ATXN1: variants seen among roughly 807,000 people sequenced by gnomAD.
The protein encoded by ATXN1 is ataxin-1.
A neutral mutation model predicts 56.4 loss-of-function variants in ATXN1; 8 were observed. That is an observed-to-expected ratio of 0.14 (90% CI 0.08 to 0.26). The LOEUF is 0.26. Ranked by LOEUF, ATXN1 falls within the 10% of genes least tolerant of loss-of-function variation. The pLI is 1.00. For synonymous variants in ATXN1, 514 were observed against 494.6 expected (o/e 1.04, Z -0.52); for missense variants, 987 against 1,106.5 (o/e 0.89, Z 1.53).
chr6:16,645,282 C>T (rs1409518455), intron 3 of ATXN1, among the ~76,000 whole-genome samples: 1 of 152,204 alleles, frequency 6.6e-6, no homozygotes. Flanking sequence ...GGATGCTGGG[C>T]TCCTACAAGT....
intron 6 of ATXN1, among the ~76,000 whole-genome samples, chr6:16,334,842 G>C (rs80165549): frequency 1.3e-5 from 2 of 152,206 alleles, no homozygotes; most frequent in East Asian, 1.9e-4. Flanking sequence ...CATGTCTAGG[G>C]GGAGTGATCA....
chr6:16,308,476 G>A (rs1002016176), intron 7 of ATXN1, among the ~76,000 whole-genome samples: 1 of 152,178 alleles, frequency 6.6e-6, no homozygotes, highest in South Asian at 2.1e-4. Flanking sequence ...GAGCAGTTGG[G>A]AAACCAAGTG....
intron 6 of ATXN1, among the ~76,000 whole-genome samples, chr6:16,385,978 G>A (rs1329720760): frequency 6.6e-6 from 1 of 152,136 alleles, no homozygotes; most frequent in Admixed American, 6.5e-5. Flanking sequence ...CTGGGTTAGG[G>A]TCTCTGTCCT....
chr6:16,309,731 T>C (rs1424524060), intron 7 of ATXN1, among the ~76,000 whole-genome samples: 1 of 151,928 alleles, frequency 6.6e-6, no homozygotes, highest in Non-Finnish European at 1.5e-5. Flanking sequence ...GGAAAAAATA[T>C]CGTTAAAAGC....
intron 2 of ATXN1, among the ~76,000 whole-genome samples, chr6:16,659,221 A>C (rs1435246922): frequency 3.3e-5 from 5 of 152,148 alleles, no homozygotes; most frequent in Non-Finnish European, 7.4e-5. Context: ...TATTTTTTGG[A>C]TGCTATCAGT....
chr6:16,338,275 C>T (rs1032493885), intron 6 of ATXN1, among the ~76,000 whole-genome samples: 6 of 152,094 alleles, frequency 3.9e-5, no homozygotes, highest in African/African-American at 1.4e-4. Flanking sequence ...GGGCGGATTG[C>T]GAGGTCAGGA....
chr6:16,348,471 G>A (rs1362561082), intron 6 of ATXN1, among the ~76,000 whole-genome samples: 3 of 152,078 alleles, frequency 2.0e-5, no homozygotes, highest in Non-Finnish European at 4.4e-5. Context: ...GCCGAGGGGG[G>A]GCAGATCATG....
At chr6:16,316,101 G>A (rs999028002) in intron 7 of ATXN1, among the ~76,000 whole-genome samples, 1 of 152,166 alleles carries the variant, frequency 6.6e-6, no homozygotes, top group Non-Finnish European at 1.5e-5. Flanking sequence ...ACTGAGCTCC[G>A]CCTCCTGTCA....
chr6:16,421,484 AC>A (rs768825660), intron 6 of ATXN1, among the ~76,000 whole-genome samples: 5 of 152,128 alleles, frequency 3.3e-5, no homozygotes, highest in Non-Finnish European at 5.9e-5. Flanking sequence ...AGGTCCTCAG[AC>A]CTTTTAGGTT....
At chr6:16,346,536 A>G (rs1264613717) in intron 6 of ATXN1, among the ~76,000 whole-genome samples, 1 of 152,218 alleles carries the variant, frequency 6.6e-6, no homozygotes, top group Admixed American at 6.5e-5. Context: ...TTAACACTTG[A>G]TAATATCGTT....
At chr6:16,761,094 A>C (rs1243986043) in intron 1 of ATXN1, 1 of 361,994 alleles carries the variant, frequency 2.8e-6, no homozygotes, top group Admixed American at 3.7e-5. Flanking sequence ...ACACGCACAC[A>C]CACAGAACAC....
rs529301601 is a variant in ATXN1 at position 16,410,867 on chromosome 6, G to A, written c.-161+75105C>T. ...TGGCCAGGCACAGTGGCTCACGCCTGTAATCCCAGCTCTTTGGGAGGCCAA... is the reference window on the plus strand; with the variant it reads ...TGGCCAGGCACAGTGGCTCACGCCTATAATCCCAGCTCTTTGGGAGGCCAA... On this transcript the variant is annotated intron_variant, in intron 6 of 7. Coordinates refer to ENST00000436367, the MANE Select transcript of ATXN1 (RefSeq NM_001128164.2). This position sits in a 1 kb window ranked among gnomAD's most constrained non-coding sequence, Gnocchi z 4.6. Among the ~76,000 whole-genome samples the A allele has an allele frequency of 1.3e-5, 2 of 152,302 alleles. No homozygotes were observed. The highest frequency in any genetic ancestry group is 3.9e-4 in the East Asian group (2 of 5,190).
chr6:16,539,473 A>G (rs971152714), intron 4 of ATXN1, among the ~76,000 whole-genome samples: 1 of 152,182 alleles, frequency 6.6e-6, no homozygotes, highest in Non-Finnish European at 1.5e-5. Flanking sequence ...GAATCTAATG[A>G]AAAGAGATAA....
intron 6 of ATXN1, among the ~76,000 whole-genome samples, chr6:16,365,100 TG>T (rs1761891629): frequency 6.6e-6 from 1 of 152,202 alleles, no homozygotes; most frequent in Non-Finnish European, 1.5e-5. Flanking sequence ...AGGGTACATA[TG>T]CACAATGTGC....
At chr6:16,609,209 CT>C (rs1456159787) in intron 3 of ATXN1, among the ~76,000 whole-genome samples, 2 of 152,182 alleles carry the variant, frequency 1.3e-5, no homozygotes, top group Non-Finnish European at 2.9e-5. Context: ...GGACTGAACG[CT>C]GGAGGTGAGA....
Position 16,563,751 on chromosome 6 carries a change from TGCAGG to T in ATXN1, c.-361+22024_-361+22028del, listed in dbSNP as rs557963905. ...TCTTAAGGTGAGGAGATGAAGCAAC[TGCAGG>T]GCAGAGAGAAGGGTCAGGTTAAACT... On this transcript the variant is annotated intron_variant, in intron 4 of 7. Coordinates refer to ENST00000436367, the MANE Select transcript of ATXN1 (RefSeq NM_001128164.2). 2.5e-4 allele frequency among the ~76,000 whole-genome samples: 38 copies of T among 152,250 alleles called. No homozygotes were observed. The South Asian group carries it at 7.5e-3, about 30-fold the overall frequency.
intron 2 of ATXN1, among the ~76,000 whole-genome samples, chr6:16,684,435 C>A (rs1253395130): frequency 6.6e-6 from 1 of 152,166 alleles, no homozygotes; most frequent in Non-Finnish European, 1.5e-5. Flanking sequence ...TCAGCCCCAC[C>A]CCTTACCCAA....
At chr6:16,603,647 A>C (rs1479135390) in intron 3 of ATXN1, among the ~76,000 whole-genome samples, 2 of 152,138 alleles carry the variant, frequency 1.3e-5, no homozygotes, top group Non-Finnish European at 1.5e-5. Flanking sequence ...TCAAATACAA[A>C]AACACTGGCA....
At chr6:16,685,892 ATTTGTTATC>A (rs1758907698) in intron 2 of ATXN1, among the ~76,000 whole-genome samples, 1 of 152,236 alleles carries the variant, frequency 6.6e-6, no homozygotes. Context: ...TGGTATATTT[ATTTGTTATC>A]TCTGTTCTTA....
Sources: gnomAD v4.1 joint callset for allele counts (sites outside exome capture counted in the v4.1 genomes callset) on GRCh38, gnomAD v4.1.1 for gene constraint, Gnocchi (gnomAD v3.1) non-coding constraint, MANE v1.5 for transcripts, NCBI Gene and HGNC (gene_info 2026-07-23, HGNC 2026-07-21) for gene names.